Variants in STXBP6 observed in about 807,000 individuals in gnomAD.
The protein encoded by STXBP6 is syntaxin-binding protein 6.
Under a neutral mutation model 26.9 loss-of-function variants are expected in STXBP6, and 21 were observed. The observed-to-expected ratio is 0.78, with a 90% confidence interval of 0.55 to 1.12. The LOEUF (loss-of-function observed/expected upper bound fraction) is 1.12. Ranked by LOEUF, STXBP6 falls within the 50% of genes most tolerant of loss-of-function variation. STXBP6 has a pLI of 0.00. For synonymous variants in STXBP6, 97 were observed against 92.6 expected (o/e 1.05, Z -0.27); for missense variants, 232 against 257.9 (o/e 0.90, Z 0.69).
Position 25,049,267 on chromosome 14 carries a change from C to T in STXBP6, c.-33+611G>A, listed in dbSNP as rs1385362757. 6 of 985,318 alleles carry T rather than the reference C, an allele frequency of 6.1e-6. No individual in the cohort carries two copies. In the African/African-American group the frequency reaches 1.0e-4, roughly 17 times the overall value. 61.0% of individuals were successfully genotyped at this position (985,318 alleles called of 1,614,324 possible). On this transcript the variant is annotated intron_variant, in intron 1 of 5. Coordinates refer to ENST00000323944, the MANE Select transcript of STXBP6 (RefSeq NM_001394410.1). This position sits in a 1 kb window ranked among gnomAD's most constrained non-coding sequence, Gnocchi z 5.6. The stretch of plus-strand genomic sequence containing the variant: ...GCTCGATGCCGGCGTGCACGGCAAG[C>T]GCGAATTCGGAACCTGGCGCCCTTG...
At chr14:24,870,917 G>A (rs2069907470) in intron 2 of STXBP6, among the ~76,000 whole-genome samples, 1 of 152,142 alleles carries the variant, frequency 6.6e-6, no homozygotes, top group Non-Finnish European at 1.5e-5. Context: ...GGTCAGTACT[G>A]CTATTTGAGT....
intron 1 of STXBP6, among the ~76,000 whole-genome samples, chr14:25,021,514 A>C (rs990499499): frequency 3.9e-5 from 6 of 152,170 alleles, no homozygotes; most frequent in Admixed American, 6.5e-5. Context: ...TTCATTTTTC[A>C]ACCCACAGCA....
At chr14:24,935,811 T>G (rs2072574555) in intron 2 of STXBP6, among the ~76,000 whole-genome samples, 1 of 152,216 alleles carries the variant, frequency 6.6e-6, no homozygotes, top group Non-Finnish European at 1.5e-5. Flanking sequence ...AAGTCTTTCT[T>G]CTCAGATGTA....
In STXBP6 at chr14:24,812,702, C is replaced by T. The variant is rs1223532463; in HGVS notation, c.*7G>A. ...TCTTAAGAAGAGTCACCAGGATAGG[C>T]AGTTTCTCAACATTTGTGCTTCATG... On this transcript the variant is annotated 3_prime_UTR_variant, in exon 6 of 6. Coordinates refer to ENST00000323944, the MANE Select transcript of STXBP6 (RefSeq NM_001394410.1). 1 of 1,613,670 alleles carries T rather than the reference C, an allele frequency of 6.2e-7. No homozygotes were observed. The highest frequency in any genetic ancestry group is 1.3e-5 in the African/African-American group (1 of 75,028).
intron 2 of STXBP6, among the ~76,000 whole-genome samples, chr14:24,908,705 T>C (rs954867979): frequency 1.3e-5 from 2 of 152,156 alleles, no homozygotes; most frequent in Non-Finnish European, 2.9e-5. Flanking sequence ...AACCGAAACT[T>C]GTCCCAATTT....
intron 2 of STXBP6, among the ~76,000 whole-genome samples, chr14:24,920,701 T>C (rs957071502): frequency 6.6e-6 from 1 of 151,978 alleles, no homozygotes; most frequent in Admixed American, 6.6e-5. Context: ...GCTGCCCCCA[T>C]TTCCAACATC....
intron 2 of STXBP6, among the ~76,000 whole-genome samples, chr14:24,945,222 G>A (rs909364048): frequency 7.4e-4 from 97 of 131,320 alleles, no homozygotes; most frequent in African/African-American, 2.7e-3. Flanking sequence ...GTGTTGTAGT[G>A]GACCCCAGAA....
At chr14:24,952,238 C>T (rs1453749887) in intron 2 of STXBP6, among the ~76,000 whole-genome samples, 12 of 150,466 alleles carry the variant, frequency 8.0e-5, no homozygotes, top group African/African-American at 2.9e-4. Context: ...TTAGAAAATT[C>T]CATTAAGACA....
chr14:24,922,866 A>C (rs1213912054), intron 2 of STXBP6, among the ~76,000 whole-genome samples: 2 of 152,220 alleles, frequency 1.3e-5, no homozygotes, highest in East Asian at 3.9e-4. Flanking sequence ...TCAGTGATGA[A>C]CTTATTTATG....
At chr14:24,978,590 C>A (rs992877613) in intron 1 of STXBP6, among the ~76,000 whole-genome samples, 1 of 152,174 alleles carries the variant, frequency 6.6e-6, no homozygotes. Flanking sequence ...CCCATGGAAG[C>A]CTTTTCTTTT....
chr14:25,001,243 G>C (rs1294639574), intron 1 of STXBP6, among the ~76,000 whole-genome samples: 1 of 152,136 alleles, frequency 6.6e-6, no homozygotes. Context: ...GGAGACTTAA[G>C]GTCCTTGCCT....
chr14:24,989,901 A>G (rs1251994391), intron 1 of STXBP6, among the ~76,000 whole-genome samples: 1 of 152,198 alleles, frequency 6.6e-6, no homozygotes, highest in African/African-American at 2.4e-5. Context: ...TTAAGCATGT[A>G]CTGTGGTTAC....
Position 24,964,085 on chromosome 14 carries a change from T to C in STXBP6, c.154+10580A>G, listed in dbSNP as rs17109375. Among the ~76,000 whole-genome samples the C allele has an allele frequency of 3.4e-3, 522 of 151,874 alleles. 2 individuals are homozygous for C. The highest frequency in any genetic ancestry group is 0.012 in the African/African-American group (487 of 41,394). On this transcript the variant is annotated intron_variant, in intron 2 of 5. Transcript: ENST00000323944. ...CCAGAGTTCAGGCAGTCTCAGCTCTTATAGAGGCGCAGCAGGAGTGGGATT... is the reference window on the plus strand; with the variant it reads ...CCAGAGTTCAGGCAGTCTCAGCTCTCATAGAGGCGCAGCAGGAGTGGGATT...
At chr14:24,923,074 G>C (rs1255018329) in intron 2 of STXBP6, among the ~76,000 whole-genome samples, 1 of 152,006 alleles carries the variant, frequency 6.6e-6, no homozygotes, top group African/African-American at 2.4e-5. Context: ...AAGCACTACT[G>C]ATGTCTCCAT....
chr14:24,904,899 A>G (rs1039354531), intron 2 of STXBP6, among the ~76,000 whole-genome samples: 1 of 151,540 alleles, frequency 6.6e-6, no homozygotes, highest in African/African-American at 2.4e-5. Context: ...ATTAGAGAAA[A>G]TTAGATTTGA....
chr14:24,848,619 T>C (rs2069043205), intron 4 of STXBP6, among the ~76,000 whole-genome samples: 1 of 152,084 alleles, frequency 6.6e-6, no homozygotes, highest in African/African-American at 2.4e-5. Flanking sequence ...CAGCTCAGGA[T>C]GACTAACTAT....
chr14:24,991,134 A>AAGGAGGAGGAAGAGAAAG (rs2074464096), intron 1 of STXBP6, among the ~76,000 whole-genome samples: 1 of 146,828 alleles, frequency 6.8e-6, no homozygotes, highest in Non-Finnish European at 1.5e-5. Flanking sequence ...TGAGTGAGAG[A>AAGGAGGAGGAAGAGAAAG]AGGAGGAGGA....
intron 3 of STXBP6, 22 bp downstream of exon 3, chr14:24,857,005 C>G (rs1191703391): frequency 6.2e-7 from 1 of 1,605,900 alleles, no homozygotes; most frequent in South Asian, 1.1e-5. Context: ...TGCCTTTGCT[C>G]AGCATTGGAC....
chr14:24,998,384 A>T (rs2074663274), intron 1 of STXBP6, among the ~76,000 whole-genome samples: 1 of 152,192 alleles, frequency 6.6e-6, no homozygotes, highest in African/African-American at 2.4e-5. Flanking sequence ...TAGAGATGAA[A>T]AGTCTGAACT....
Sources: gnomAD v4.1 joint callset for allele counts (sites outside exome capture counted in the v4.1 genomes callset) on GRCh38, gnomAD v4.1.1 for gene constraint, Gnocchi (gnomAD v3.1) non-coding constraint, MANE v1.5 for transcripts, NCBI Gene and HGNC (gene_info 2026-07-23, HGNC 2026-07-21) for gene names.